The following IL20RB variants were observed in gnomAD, a reference collection of about 807,000 sequenced individuals.
IL20RB encodes interleukin 20 receptor subunit beta.
Under a neutral mutation model 33.3 loss-of-function variants are expected in IL20RB, and 21 were observed. The observed-to-expected ratio is 0.63, with a 90% CI of 0.45 to 0.91. IL20RB has a LOEUF of 0.91. IL20RB is among the 40% of genes least tolerant of loss of function. The pLI is 0.00. For synonymous variants in IL20RB, 147 were observed against 146.8 expected (o/e 1.00, Z -0.01); for missense variants, 345 against 384.8 (o/e 0.90, Z 0.86).
At chr3:136,970,091 TG>T (rs914909348) in intron 1 of IL20RB, among the ~76,000 whole-genome samples, 5 of 151,870 alleles carry the variant, frequency 3.3e-5, no homozygotes, top group African/African-American at 7.3e-5. Context: ...TTTTGTTTTT[TG>T]TTTTTTTGTT....
At chr3:136,980,719 C>G (rs361241) in intron 2 of IL20RB, 127 bp downstream of exon 2, 6 of 870,116 alleles carry the variant, frequency 6.9e-6, no homozygotes, top group Admixed American at 4.5e-5. Flanking sequence ...AGATCTACCC[C>G]CTCTGTCTGC....
At chr3:136,979,997 C>A (rs1224272715) in intron 1 of IL20RB, among the ~76,000 whole-genome samples, 1 of 152,178 alleles carries the variant, frequency 6.6e-6, no homozygotes, top group South Asian at 2.1e-4. Context: ...CCTAGCCAGT[C>A]TAACAGAAGA....
At chr3:137,004,021 G>A (rs560101814) in intron 6 of IL20RB, among the ~76,000 whole-genome samples, 2 of 152,164 alleles carry the variant, frequency 1.3e-5, no homozygotes, top group Admixed American at 6.5e-5. Context: ...TGAGATAATG[G>A]TGTGGTTTTT....
chr3:137,000,869 T>C (rs1404367903), intron 6 of IL20RB, among the ~76,000 whole-genome samples: 1 of 152,204 alleles, frequency 6.6e-6, no homozygotes, highest in Non-Finnish European at 1.5e-5. Context: ...ACACTCTCTC[T>C]TATGTTTTCT....
At position 136,970,919 on chromosome 3, in the gene IL20RB, TG is replaced by T. The variant is rs1198560249; in HGVS notation, c.89-9544del. ...CGCCCGGCTCGGCCTCCCAAAGTGCTGGGATTACAGGCATGAGACGCTGTGC... is the reference window on the plus strand; with the variant it reads ...CGCCCGGCTCGGCCTCCCAAAGTGCTGGATTACAGGCATGAGACGCTGTGC... On this transcript the variant is annotated intron_variant, in intron 1 of 6. Coordinates refer to ENST00000329582, the MANE Select transcript of IL20RB (RefSeq NM_144717.4). Among the ~76,000 whole-genome samples the T allele has an allele frequency of 2.6e-5, 4 of 152,280 alleles. No individual in the cohort carries two copies. The East Asian group carries it at 7.7e-4, about 29-fold the overall frequency.
intron 1 of IL20RB, among the ~76,000 whole-genome samples, chr3:136,972,648 T>A (rs1310398682): frequency 2.0e-5 from 3 of 152,166 alleles, no homozygotes; most frequent in Non-Finnish European, 4.4e-5. Flanking sequence ...CATCTTCTTT[T>A]TAATTTCTGA....
Position 137,008,021 on chromosome 3 carries a change from T to A in IL20RB, c.826-2092T>A, listed in dbSNP as rs6777102. On this transcript the variant is annotated intron_variant, in intron 6 of 6. Coordinates refer to ENST00000329582, the MANE Select transcript of IL20RB (RefSeq NM_144717.4). ...AGTCTCTGTTTAAAAATATAATTTA[T>A]TTTCTTTGTCTTGCACCTGTATTTG... Among the ~76,000 whole-genome samples, 1,142 of 152,346 alleles carry A rather than the reference T, an allele frequency of 7.5e-3. 16 individuals are homozygous for A. Among genetic ancestry groups the A allele is most frequent in the African/African-American group, 0.025 (1,051 of 41,574 alleles).
chr3:136,993,227 GC>G (rs1268406161), intron 5 of IL20RB, among the ~76,000 whole-genome samples: 2 of 152,110 alleles, frequency 1.3e-5, no homozygotes, highest in Admixed American at 6.6e-5. Context: ...AGGTGAGTGT[GC>G]CCCATTCTCC....
chr3:136,992,196 A>C, intron 5 of IL20RB, 108 bp downstream of exon 5: 1 of 1,194,240 alleles, frequency 8.4e-7, no homozygotes, highest in South Asian at 1.6e-5. Context: ...CCTTGATTTC[A>C]CTGACCTCCC....
At chr3:136,964,719 T>G (rs1457369693) in intron 1 of IL20RB, among the ~76,000 whole-genome samples, 1 of 69,202 alleles carries the variant, frequency 1.4e-5, no homozygotes, top group African/African-American at 6.7e-5. Context: ...TTTGTCAATT[T>G]TGGCTTTTGT....
intron 4 of IL20RB, among the ~76,000 whole-genome samples, chr3:136,991,659 A>C (rs1241325795): frequency 6.6e-6 from 1 of 152,138 alleles, no homozygotes; most frequent in Non-Finnish European, 1.5e-5. Context: ...CCCAAGCTGG[A>C]GTGCAGTGGC....
At chr3:136,997,321 T>C (rs1332385987) in intron 6 of IL20RB, among the ~76,000 whole-genome samples, 1 of 152,222 alleles carries the variant, frequency 6.6e-6, no homozygotes, top group African/African-American at 2.4e-5. Flanking sequence ...CTCAAACTCC[T>C]GACCTCATGA....
At chr3:136,987,899 C>T (rs915640106) in intron 3 of IL20RB, among the ~76,000 whole-genome samples, 1 of 152,226 alleles carries the variant, frequency 6.6e-6, no homozygotes, top group Non-Finnish European at 1.5e-5. Flanking sequence ...CCCACCAAGC[C>T]CACGCCCACC....
At chr3:136,958,757 C>T (rs1941113579) in intron 1 of IL20RB, among the ~76,000 whole-genome samples, 1 of 152,184 alleles carries the variant, frequency 6.6e-6, no homozygotes, top group African/African-American at 2.4e-5. Flanking sequence ...TGCTCCACTC[C>T]TGGTTGCTTG....
chr3:136,984,537 G>T (rs1001008377), intron 3 of IL20RB, among the ~76,000 whole-genome samples: 3 of 151,920 alleles, frequency 2.0e-5, no homozygotes, highest in African/African-American at 7.3e-5. Flanking sequence ...GGTGGAAGAA[G>T]GTTTGGGGCA....
In IL20RB at chr3:136,995,616, T is replaced by C. The variant is rs1302426774; in HGVS notation, c.825+60T>C. On this transcript the variant is annotated intron_variant, in intron 6 of 6. Coordinates refer to ENST00000329582, the MANE Select transcript of IL20RB (RefSeq NM_144717.4). ...CACTGACCAGATGTAGTTTGGGCCT[T>C]AGCTGGGCATGGGCACATGTTTCCA... The C allele has an allele frequency of 5.2e-6, 8 of 1,525,284 alleles. No individual in the cohort carries two copies. The Middle Eastern group carries it at 5.4e-4, about 102-fold the overall frequency. 94.5% of individuals were successfully genotyped at this position (1,525,284 alleles called of 1,614,324 possible).
At chr3:136,998,517 A>G (rs576700123) in intron 6 of IL20RB, among the ~76,000 whole-genome samples, 3 of 151,490 alleles carry the variant, frequency 2.0e-5, no homozygotes, top group Non-Finnish European at 2.9e-5. Context: ...TTTTTTAATT[A>G]TAGGTTTAGT....
intron 1 of IL20RB, among the ~76,000 whole-genome samples, chr3:136,963,713 T>G (rs1378738204): frequency 7.3e-6 from 1 of 136,216 alleles, no homozygotes; most frequent in Non-Finnish European, 1.6e-5. Context: ...TTTATTATAC[T>G]CTAAGTTTTA....
chr3:136,962,106 A>G (rs1280487820), intron 1 of IL20RB, among the ~76,000 whole-genome samples: 1 of 152,240 alleles, frequency 6.6e-6, no homozygotes, highest in Middle Eastern at 3.2e-3. Flanking sequence ...ACAATTAAAT[A>G]AAATATCACT....
Sources: allele counts gnomAD v4.1 joint callset (sites outside exome capture counted in the v4.1 genomes callset), GRCh38; gene constraint gnomAD v4.1.1; transcripts MANE v1.5; gene names NCBI Gene and HGNC (gene_info 2026-07-23, HGNC 2026-07-21).